ARHGEF28: variants seen among roughly 807,000 people sequenced by gnomAD.
ARHGEF28 encodes 190 kDa guanine nucleotide exchange factor.
ARHGEF28 carries 152 observed loss-of-function variants against 206.6 expected under a neutral mutation model. The ratio of observed to expected loss-of-function variants is 0.74; its 90% CI spans 0.64 to 0.84. ARHGEF28 has a LOEUF of 0.84. Ranked by LOEUF, ARHGEF28 falls within the 40% of genes least tolerant of loss-of-function variation. The pLI is 0.00. For missense variants in ARHGEF28, 2,028 were observed against 2,073.2 expected (o/e 0.98, Z 0.42); for synonymous variants, 763 against 776.4 (o/e 0.98, Z 0.29).
At chr5:73,786,056 CA>C (rs61560155) in intron 7 of ARHGEF28, among the ~76,000 whole-genome samples, 20,287 of 76,524 alleles carry the variant, frequency 0.27, 1,990 homozygotes, top group African/African-American at 0.42. Flanking sequence ...TGGCAGTAAC[CA>C]AAAAAAAAAA....
chr5:73,815,645 A>G (rs1250551435), intron 9 of ARHGEF28, among the ~76,000 whole-genome samples: 1 of 152,134 alleles, frequency 6.6e-6, no homozygotes, highest in Admixed American at 6.5e-5. Context: ...CCAACACTGG[A>G]GAGACATGGG....
chr5:73,693,005 T>G (rs1747937705), intron 2 of ARHGEF28, among the ~76,000 whole-genome samples: 1 of 152,224 alleles, frequency 6.6e-6, no homozygotes, highest in African/African-American at 2.4e-5. Flanking sequence ...GACCTTTGCC[T>G]GGGCACCCTC....
intron 9 of ARHGEF28, among the ~76,000 whole-genome samples, chr5:73,815,262 C>T (rs760999022): frequency 2.0e-4 from 30 of 150,556 alleles, no homozygotes; most frequent in Non-Finnish European, 1.5e-5. Context: ...ATAGAAAATG[C>T]AGTCAAATGT....
intron 30 of ARHGEF28, 171 bp downstream of exon 30, chr5:73,898,264 C>A (rs930281023): frequency 9.4e-6 from 7 of 742,166 alleles, no homozygotes; most frequent in African/African-American, 3.6e-5. Context: ...ATATCATAGG[C>A]ATATAATAAT....
intron 25 of ARHGEF28, among the ~76,000 whole-genome samples, chr5:73,887,222 A>C (rs748465149): frequency 5.9e-5 from 9 of 152,236 alleles, no homozygotes; most frequent in Non-Finnish European, 1.0e-4. Flanking sequence ...TCAGATCTAG[A>C]TGAAACAAAA....
Position 73,909,869 on chromosome 5 carries a change from C to T in ARHGEF28, c.4619C>T (p.Pro1540Leu), listed in dbSNP as rs1762786068. 2 of 1,521,040 alleles carry T rather than the reference C, an allele frequency of 1.3e-6. No homozygotes were observed. Among genetic ancestry groups the T allele is most frequent in the Admixed American group, 2.2e-5 (1 of 46,026 alleles). The allele number at this position is 1,521,040 out of a possible 1,614,324, so 94.2% of individuals were successfully genotyped here. The change falls in exon 34 of 36, where the codon CCC (proline) becomes CTC (leucine). Residue 1540 changes from proline to leucine, a missense_variant. By Grantham distance (98) the Pro-to-Leu change is moderately conservative (BLOSUM62 -3). Coordinates refer to ENST00000513042, the MANE Select transcript of ARHGEF28 (RefSeq NM_001177693.2). ...HWKHGRQRSL[P>L]AVLLPGGPEV... The stretch of plus-strand genomic sequence containing the variant: ...AAGCACGGCCGGCAGAGGAGCCTGC[C>T]CGCGGTGCTCCTTCCGGGTGGCCCC...
At chr5:73,891,591 G>T (rs929084521) in intron 26 of ARHGEF28, among the ~76,000 whole-genome samples, 1 of 151,252 alleles carries the variant, frequency 6.6e-6, no homozygotes, top group Non-Finnish European at 1.5e-5. Flanking sequence ...CCAGGCTGGA[G>T]TGCGCTCACT....
chr5:73,776,513 C>T lies in ARHGEF28; in HGVS notation c.660-3C>T. On this transcript the variant is annotated splice_region_variant and splice_polypyrimidine_tract_variant and intron_variant, in intron 5 of 35. Coordinates refer to ENST00000513042, the MANE Select transcript of ARHGEF28 (RefSeq NM_001177693.2). ...GTGTGGGTTTTGATTTGTGTTGTTT[C>T]AGTTTTCAGGGCAGATGGTCCCCAA... The T allele has an allele frequency of 1.2e-6, 2 of 1,607,620 alleles. No individual in the cohort carries two copies. Among genetic ancestry groups the T allele is most frequent in the Non-Finnish European group, 8.5e-7 (1 of 1,176,054 alleles).
intron 26 of ARHGEF28, 121 bp from the exon 27 acceptor site, chr5:73,891,931 T>G (rs2112685274): frequency 1.2e-6 from 1 of 867,618 alleles, no homozygotes; most frequent in East Asian, 2.7e-5. Flanking sequence ...ACAGCTCTTT[T>G]GAAAAGATTG....
At chr5:73,939,337 AGTT>A (rs1460520262) in intron 35 of ARHGEF28, among the ~76,000 whole-genome samples, 1 of 152,174 alleles carries the variant, frequency 6.6e-6, no homozygotes, top group East Asian at 1.9e-4. Context: ...GTATGCTTTC[AGTT>A]GTTAGTGAGT....
chr5:73,873,751 T>C (rs1331020625), intron 22 of ARHGEF28, among the ~76,000 whole-genome samples: 3 of 152,238 alleles, frequency 2.0e-5, no homozygotes, highest in East Asian at 1.9e-4. Context: ...GCTATTGATA[T>C]ATCACTGTTT....
intron 2 of ARHGEF28, among the ~76,000 whole-genome samples, chr5:73,704,767 G>T (rs1204555164): frequency 1.3e-5 from 2 of 152,112 alleles, no homozygotes; most frequent in Non-Finnish European, 2.9e-5. Flanking sequence ...AACATAAAAT[G>T]TGTGCCCAGA....
chr5:73,670,396 A>T, intron 1 of ARHGEF28, among the ~76,000 whole-genome samples: 1 of 152,204 alleles, frequency 6.6e-6, no homozygotes, highest in East Asian at 1.9e-4. Context: ...CTGAAGTTTA[A>T]CCATTAACCT....
intron 13 of ARHGEF28, among the ~76,000 whole-genome samples, chr5:73,849,520 A>G (rs1758571124): frequency 6.6e-6 from 1 of 152,104 alleles, no homozygotes; most frequent in Non-Finnish European, 1.5e-5. Flanking sequence ...CTTTGTTTAG[A>G]AAGGGACTTT....
intron 35 of ARHGEF28, among the ~76,000 whole-genome samples, chr5:73,912,795 G>A (rs1318823938): frequency 2.6e-5 from 4 of 152,170 alleles, no homozygotes; most frequent in Admixed American, 2.0e-4. Flanking sequence ...ACAATAGAGA[G>A]CAGATTGCAG....
rs1373559555 is a variant in ARHGEF28 at position 73,759,692 on chromosome 5, G to T, written c.475+6490G>T. Among the ~76,000 whole-genome samples, 3 of 151,996 alleles carry T rather than the reference G, an allele frequency of 2.0e-5. No homozygotes were observed. The East Asian group carries it at 5.8e-4, about 29-fold the overall frequency. On this transcript the variant is annotated intron_variant, in intron 4 of 35. Coordinates refer to ENST00000513042, the MANE Select transcript of ARHGEF28 (RefSeq NM_001177693.2). Reference sequence around the variant, plus strand: ...TTCTTAAAATGTGTCTTGATTGTTCGGTGTTCACTTAAGTTTAAAAAGCAG... The same window carrying T: ...TTCTTAAAATGTGTCTTGATTGTTCTGTGTTCACTTAAGTTTAAAAAGCAG...
chr5:73,927,270 G>C (rs1211539051), intron 35 of ARHGEF28, among the ~76,000 whole-genome samples: 1 of 152,116 alleles, frequency 6.6e-6, no homozygotes, highest in Non-Finnish European at 1.5e-5. Flanking sequence ...TTAGCTACTT[G>C]GGGGGCTGAG....
chr5:73,818,303 G>A (rs781442483), intron 9 of ARHGEF28, among the ~76,000 whole-genome samples: 6 of 152,320 alleles, frequency 3.9e-5, no homozygotes, highest in South Asian at 2.1e-4. Context: ...GACACAGTAA[G>A]TAGGCAGAGG....
chr5:73,691,744 A>G (rs759822498), intron 2 of ARHGEF28, among the ~76,000 whole-genome samples: 6 of 152,218 alleles, frequency 3.9e-5, no homozygotes, highest in Non-Finnish European at 5.9e-5. Flanking sequence ...ATAAACTCCT[A>G]TAAGCCATCA....
Sources: gnomAD v4.1 joint callset for allele counts (sites outside exome capture counted in the v4.1 genomes callset) on GRCh38, gnomAD v4.1.1 for gene constraint, MANE v1.5 for transcripts, NCBI Gene and HGNC (gene_info 2026-07-23, HGNC 2026-07-21) for gene names.